The following NRXN3 variants were observed in gnomAD, a reference collection of about 807,000 sequenced individuals.
The protein encoded by NRXN3 is neurexin 3.
Under a neutral mutation model 137.6 loss-of-function variants are expected in NRXN3, and 32 were observed. The ratio of observed to expected loss-of-function variants is 0.23; its 90% CI spans 0.18 to 0.31. NRXN3 has a LOEUF of 0.31. Ranked by LOEUF, NRXN3 falls within the 10% of genes least tolerant of loss-of-function variation. NRXN3 has a pLI of 1.00. For missense variants in NRXN3, 1,574 were observed against 2,062.5 expected (o/e 0.76, Z 4.59); for synonymous variants, 798 against 784.5 (o/e 1.02, Z -0.29).
rs966086093 is a variant in NRXN3 at position 79,067,068 on chromosome 14, G to A, written c.3262+78927G>A. On this transcript the variant is annotated intron_variant, in intron 15 of 20. Transcript: ENST00000335750. ...CCAGTTTTCAGGGGGAATGTTTCCA[G>A]CTTTTGCCCTGCAGTATGATATTGA... Among the ~76,000 whole-genome samples, 12 of 152,146 alleles carry A rather than the reference G, an allele frequency of 7.9e-5. 1 individual carries two copies. The highest frequency in any genetic ancestry group is 2.4e-4 in the African/African-American group (10 of 41,536).
chr14:78,521,106 G>A (rs1273471607), intron 4 of NRXN3, among the ~76,000 whole-genome samples: 1 of 152,082 alleles, frequency 6.6e-6, no homozygotes. Flanking sequence ...AGTTCAAGTG[G>A]AATAATTTAT....
chr14:78,301,833 A>G (rs978439090), intron 4 of NRXN3, among the ~76,000 whole-genome samples: 1 of 152,218 alleles, frequency 6.6e-6, no homozygotes, highest in African/African-American at 2.4e-5. Context: ...CCTTGGAAGC[A>G]GTTCAGTCCT....
At chr14:79,572,410 A>G (rs533533724) in intron 16 of NRXN3, among the ~76,000 whole-genome samples, 1 of 152,332 alleles carries the variant, frequency 6.6e-6, no homozygotes, top group African/African-American at 2.4e-5. Context: ...TAATGAACTT[A>G]TTTTTAATTC....
intron 16 of NRXN3, among the ~76,000 whole-genome samples, chr14:79,549,372 A>C (rs1271795150): frequency 6.6e-6 from 1 of 152,214 alleles, no homozygotes; most frequent in South Asian, 2.1e-4. Flanking sequence ...CTATTTGCCT[A>C]TCTATAGAAA....
chr14:78,509,026 A>G (rs774162878), intron 4 of NRXN3, among the ~76,000 whole-genome samples: 3 of 152,182 alleles, frequency 2.0e-5, no homozygotes, highest in African/African-American at 4.8e-5. Context: ...TGGGCCAGGC[A>G]TGGTGGCTCA....
intron 8 of NRXN3, among the ~76,000 whole-genome samples, chr14:78,780,457 A>G (rs2098765039): frequency 6.6e-6 from 1 of 152,186 alleles, no homozygotes; most frequent in South Asian, 2.1e-4. Context: ...GATATATTTG[A>G]TTACAATTAT....
At chr14:78,273,578 T>A in intron 2 of NRXN3, among the ~76,000 whole-genome samples, 1 of 152,214 alleles carries the variant, frequency 6.6e-6, no homozygotes, top group Non-Finnish European at 1.5e-5. Flanking sequence ...CAGCTCCCTC[T>A]GCCTGTGGAT....
intron 15 of NRXN3, among the ~76,000 whole-genome samples, chr14:79,070,010 C>T (rs1004011157): frequency 1.3e-5 from 2 of 152,104 alleles, no homozygotes; most frequent in Non-Finnish European, 2.9e-5. Context: ...CCTTCCATCT[C>T]TACCTGTTTT....
intron 19 of NRXN3, among the ~76,000 whole-genome samples, chr14:79,731,145 A>T (rs1207950911): frequency 6.6e-6 from 1 of 152,204 alleles, no homozygotes; most frequent in Non-Finnish European, 1.5e-5. Flanking sequence ...TCAACTGTGC[A>T]GGGTAGATCG....
intron 16 of NRXN3, chr14:79,661,821 G>C (rs1002434451): frequency 6.6e-6 from 1 of 151,994 alleles, no homozygotes; most frequent in East Asian, 1.9e-4. Flanking sequence ...AAAGGATCGT[G>C]AACTAGTACT....
chr14:78,885,462 T>C (rs1004691727), intron 10 of NRXN3, among the ~76,000 whole-genome samples: 4 of 152,018 alleles, frequency 2.6e-5, no homozygotes, highest in African/African-American at 7.2e-5. Flanking sequence ...GCCAAACAAA[T>C]TGCATTTAAT....
intron 15 of NRXN3, among the ~76,000 whole-genome samples, chr14:79,121,595 G>T (rs2055447779): frequency 1.3e-5 from 2 of 152,086 alleles, no homozygotes; most frequent in African/African-American, 4.8e-5. Flanking sequence ...AATGGCACAT[G>T]GGTTTATCAC....
intron 4 of NRXN3, among the ~76,000 whole-genome samples, chr14:78,632,741 T>G (rs2097532797): frequency 6.6e-6 from 1 of 152,204 alleles, no homozygotes; most frequent in African/African-American, 2.4e-5. Flanking sequence ...CATGTAGATA[T>G]GCTATCTCTA....
rs1340797013 is a variant in NRXN3, at chr14:78,235,002, A to ATATATATATATATATGTGTG, written c.-703-7374_-703-7373insGTGTGTATATATATATATAT. ...GGCAGCCACAAATGCTTTTATATAT[A>ATATATATATATATATGTGTG]TATATATATATATATATATATGTGT... On this transcript the variant is annotated intron_variant, in intron 1 of 20. Coordinates refer to ENST00000335750, the MANE Select transcript of NRXN3 (RefSeq NM_001330195.2). 5.7e-4 allele frequency among the ~76,000 whole-genome samples: 27 copies of ATATATATATATATATGTGTG among 47,426 alleles called. 2 individuals carry two copies. The South Asian group carries it at 0.01, about 18-fold the overall frequency. The allele number at this position is 47,426 out of a possible 152,430, so 31.1% of individuals were successfully genotyped here.
intron 15 of NRXN3, among the ~76,000 whole-genome samples, chr14:79,178,034 A>T (rs910164031): frequency 6.6e-6 from 1 of 152,224 alleles, no homozygotes; most frequent in African/African-American, 2.4e-5. Flanking sequence ...GTAATAGAGA[A>T]GAGGGACAAA....
intron 10 of NRXN3, among the ~76,000 whole-genome samples, chr14:78,904,040 G>T (rs948552127): frequency 6.6e-6 from 1 of 152,034 alleles, no homozygotes; most frequent in Non-Finnish European, 1.5e-5. Flanking sequence ...ATCACAGTAT[G>T]ACATTAGGAC....
At chr14:79,132,206 T>G (rs2152966972) in intron 15 of NRXN3, among the ~76,000 whole-genome samples, 1 of 152,350 alleles carries the variant, frequency 6.6e-6, no homozygotes, top group African/African-American at 2.4e-5. Context: ...CTCCTCCAAC[T>G]TAAACTTAAC....
At chr14:79,585,064 C>G (rs997490869) in intron 16 of NRXN3, among the ~76,000 whole-genome samples, 8 of 152,142 alleles carry the variant, frequency 5.3e-5, no homozygotes, top group African/African-American at 1.9e-4. Flanking sequence ...AGGCATAGCC[C>G]TCTATGGAGA....
rs1158943486 is a variant in NRXN3 at position 78,651,171 on chromosome 14, A to G, written c.1066A>G (p.Ile356Val). 2 of 1,613,174 alleles carry G rather than the reference A, an allele frequency of 1.2e-6. No individual in the cohort carries two copies. Among genetic ancestry groups the G allele is most frequent in the African/African-American group, 1.3e-5 (1 of 74,858 alleles). ...CCCTATGTCCCTCCACCAGGTGACA[A>G]TCTCTGTGGATGGCATTCTTACCAC... ...KVTRNLRQVT[I>V]SVDGILTTTG... Residue 356 changes from isoleucine to valine, a missense_variant, in exon 6 of 21, where the codon ATC becomes GTC. Ile to Val is a conservative substitution (Grantham distance 29, BLOSUM62 3). Around this residue, in one of 5 missense-constraint regions of NRXN3, gnomAD observed 400 missense variants for 527.3 expected, o/e 0.76. Transcript: ENST00000335750.
Sources: gnomAD v4.1 joint callset for allele counts (sites outside exome capture counted in the v4.1 genomes callset) on GRCh38, gnomAD v4.1.1 for gene constraint, gnomAD v4.1.1 regional missense constraint, MANE v1.5 for transcripts, NCBI Gene and HGNC (gene_info 2026-07-23, HGNC 2026-07-21) for gene names.